Variants in RSPO3 observed in about 807,000 individuals in gnomAD.
RSPO3 encodes the protein R-spondin-3.
RSPO3 carries 17 observed loss-of-function variants against 36.5 expected under a neutral mutation model. That is an observed-to-expected ratio of 0.47 (90% CI 0.32 to 0.70). The LOEUF (loss-of-function observed/expected upper bound fraction) is 0.70, where lower values mean the gene tolerates loss of function less well. Ranked by LOEUF, RSPO3 falls within the 30% of genes least tolerant of loss-of-function variation. The pLI is 0.04. For synonymous variants in RSPO3, 108 were observed against 107.0 expected (o/e 1.01, Z -0.06); for missense variants, 294 against 322.5 (o/e 0.91, Z 0.68).
chr6:127,195,070 TAGC>T (rs1582818718), intron 4 of RSPO3, among the ~76,000 whole-genome samples: 1 of 152,242 alleles, frequency 6.6e-6, no homozygotes, highest in East Asian at 1.9e-4. Context: ...TTCTCTTAGA[TAGC>T]AGGCAAATAT....
Position 127,169,115 on chromosome 6 carries a change from G to A in RSPO3, c.634+13677G>A, listed in dbSNP as rs1242231039. On this transcript the variant is annotated intron_variant, in intron 4 of 4. Coordinates refer to ENST00000356698, the MANE Select transcript of RSPO3 (RefSeq NM_032784.5). The stretch of plus-strand genomic sequence containing the variant: ...TCTGCCTTTAGATCTTTGAGGAATC[G>A]CCACACTTACTTCCACAATGGTTGA... Among the ~76,000 whole-genome samples the A allele has an allele frequency of 4.6e-5, 7 of 151,792 alleles. No individual in the cohort carries two copies. In the East Asian group the frequency reaches 5.8e-4, roughly 13 times the overall value.
At chr6:127,183,568 C>T (rs1236284243) in intron 4 of RSPO3, among the ~76,000 whole-genome samples, 1 of 151,986 alleles carries the variant, frequency 6.6e-6, no homozygotes, top group Non-Finnish European at 1.5e-5. Flanking sequence ...AATTAAGTCA[C>T]AGCCATGAAA....
chr6:127,187,129 A>T (rs1775310831), intron 4 of RSPO3, among the ~76,000 whole-genome samples: 1 of 152,206 alleles, frequency 6.6e-6, no homozygotes, highest in Non-Finnish European at 1.5e-5. Context: ...AGATGGGGAC[A>T]GGGTAGAGTA....
chr6:127,165,156 T>C lies in RSPO3; in HGVS notation c.634+9718T>C, dbSNP rs554589945. Among the ~76,000 whole-genome samples, 59 of 152,074 alleles carry C rather than the reference T, an allele frequency of 3.9e-4. 1 individual carries two copies. The highest frequency in any genetic ancestry group is 1.3e-3 in the African/African-American group (54 of 41,522). ...TATGAATAGTTGCTAATTCCAAAAA[T>C]AAAAGATATAGAAAATATGTGCATA... On this transcript the variant is annotated intron_variant, in intron 4 of 4. Transcript: ENST00000356698.
chr6:127,187,544 TAATA>T (rs749540001), intron 4 of RSPO3, among the ~76,000 whole-genome samples: 66 of 152,282 alleles, frequency 4.3e-4, no homozygotes, highest in Admixed American at 1.0e-3. Flanking sequence ...TATGCTTATT[TAATA>T]GATACAATTA....
chr6:127,128,117 T>C (rs1441065015), intron 1 of RSPO3, among the ~76,000 whole-genome samples: 2 of 152,090 alleles, frequency 1.3e-5, no homozygotes, highest in African/African-American at 4.8e-5. Flanking sequence ...GTCTGTAATT[T>C]TGCAGTTAAA....
At chr6:127,159,592 A>G (rs990921286) in intron 4 of RSPO3, among the ~76,000 whole-genome samples, 1 of 151,612 alleles carries the variant, frequency 6.6e-6, no homozygotes. Flanking sequence ...TCTCAAAATT[A>G]AGTATAGTAA....
intron 1 of RSPO3, among the ~76,000 whole-genome samples, chr6:127,135,105 T>G (rs1314388655): frequency 6.6e-6 from 1 of 152,152 alleles, no homozygotes; most frequent in Non-Finnish European, 1.5e-5. Flanking sequence ...TTTTAACTGT[T>G]TTTAAATCAG....
At chr6:127,151,079 T>G (rs1222907679) in intron 3 of RSPO3, among the ~76,000 whole-genome samples, 2 of 151,912 alleles carry the variant, frequency 1.3e-5, no homozygotes, top group African/African-American at 4.8e-5. Flanking sequence ...CACAGCCCAT[T>G]AATGCTCAGT....
rs575913777 is a variant in RSPO3 at position 127,163,819 on chromosome 6, G to T, written c.634+8381G>T. 3.9e-5 allele frequency among the ~76,000 whole-genome samples: 6 copies of T among 152,204 alleles called. No homozygotes were observed. The South Asian group carries it at 1.2e-3, about 32-fold the overall frequency. On this transcript the variant is annotated intron_variant, in intron 4 of 4. Coordinates refer to ENST00000356698, the MANE Select transcript of RSPO3 (RefSeq NM_032784.5). Reference sequence around the variant, plus strand: ...CCTCTGTATTCTGCAGGACATTGTAGTTGAAAATGACAGATCTCAAATTAT... The same window carrying T: ...CCTCTGTATTCTGCAGGACATTGTATTTGAAAATGACAGATCTCAAATTAT...
intron 4 of RSPO3, among the ~76,000 whole-genome samples, chr6:127,194,531 A>C (rs1443451411): frequency 6.6e-6 from 1 of 152,252 alleles, no homozygotes; most frequent in Non-Finnish European, 1.5e-5. Context: ...AAAGGTGTAC[A>C]TGATAATAAA....
intron 4 of RSPO3, among the ~76,000 whole-genome samples, chr6:127,187,111 T>C (rs1041175831): frequency 6.6e-6 from 1 of 152,136 alleles, no homozygotes; most frequent in Non-Finnish European, 1.5e-5. Context: ...CCAGCGGGCA[T>C]GGTGGTGAGA....
intron 1 of RSPO3, among the ~76,000 whole-genome samples, chr6:127,120,901 C>A (rs1423494776): frequency 6.6e-6 from 1 of 152,258 alleles, no homozygotes. Context: ...CCGGCCCGGA[C>A]GCGGAAGGGG....
At chr6:127,127,283 CAA>C (rs755116997) in intron 1 of RSPO3, among the ~76,000 whole-genome samples, 17 of 152,140 alleles carry the variant, frequency 1.1e-4, no homozygotes, top group African/African-American at 4.1e-4. Flanking sequence ...CCCTGTTCTA[CAA>C]AGAGACTTCA....
intron 1 of RSPO3, among the ~76,000 whole-genome samples, chr6:127,130,728 A>G (rs1774034175): frequency 6.6e-6 from 1 of 152,232 alleles, no homozygotes; most frequent in East Asian, 1.9e-4. Flanking sequence ...TCTGCCATAA[A>G]ATACAAACGG....
intron 4 of RSPO3, among the ~76,000 whole-genome samples, chr6:127,185,707 T>C (rs780015305): frequency 6.6e-6 from 1 of 152,012 alleles, no homozygotes; most frequent in African/African-American, 2.4e-5. Context: ...TTTTCCCCCA[T>C]AGACCAATAA....
At chr6:127,176,393 A>G (rs943816175) in intron 4 of RSPO3, among the ~76,000 whole-genome samples, 1 of 151,910 alleles carries the variant, frequency 6.6e-6, no homozygotes, top group African/African-American at 2.4e-5. Context: ...GCTCGTAACA[A>G]AAGGTGCTGG....
rs72961004 is a variant in RSPO3, at chr6:127,197,777, T to C, written c.*1770T>C. 8.1e-4 allele frequency: 302 copies of C among 372,986 alleles called. No homozygotes were observed. Among genetic ancestry groups the C allele is most frequent in the Non-Finnish European group, 1.3e-3 (261 of 208,724 alleles). The allele number at this position is 372,986 out of a possible 1,614,324, so 23.1% of individuals were successfully genotyped here. On this transcript the variant is annotated 3_prime_UTR_variant, in exon 5 of 5. Coordinates refer to ENST00000356698, the MANE Select transcript of RSPO3 (RefSeq NM_032784.5). ...ATTTTAAATGATTTATTCCTGTTTCTTATTCTGGTGTTTCTTTCCTTGTCC... is the reference window on the plus strand; with the variant it reads ...ATTTTAAATGATTTATTCCTGTTTCCTATTCTGGTGTTTCTTTCCTTGTCC...
chr6:127,173,497 A>G (rs1284660638), intron 4 of RSPO3, among the ~76,000 whole-genome samples: 1 of 151,886 alleles, frequency 6.6e-6, no homozygotes, highest in Non-Finnish European at 1.5e-5. Context: ...ATTAATACTT[A>G]ATCCAATTCC....
Sources: gnomAD v4.1 joint callset for allele counts (sites outside exome capture counted in the v4.1 genomes callset) on GRCh38, gnomAD v4.1.1 for gene constraint, MANE v1.5 for transcripts, NCBI Gene and HGNC (gene_info 2026-07-23, HGNC 2026-07-21) for gene names.